The following DYNC1I1 variants were observed in gnomAD, a reference collection of about 807,000 sequenced individuals.
DYNC1I1 encodes cytoplasmic dynein 1 intermediate chain 1.
DYNC1I1 carries 43 observed loss-of-function variants against 86.6 expected under a neutral mutation model. The ratio of observed to expected loss-of-function variants is 0.50; its 90% CI spans 0.39 to 0.64. The LOEUF (loss-of-function observed/expected upper bound fraction) is 0.64. Ranked by LOEUF, DYNC1I1 falls within the 30% of genes least tolerant of loss-of-function variation. DYNC1I1 has a pLI of 0.00. For missense variants in DYNC1I1, 604 were observed against 788.8 expected (o/e 0.77, Z 2.81); for synonymous variants, 262 against 283.7 (o/e 0.92, Z 0.77).
chr7:95,800,277 T>C (rs1382595825), intron 1 of DYNC1I1, among the ~76,000 whole-genome samples: 1 of 152,026 alleles, frequency 6.6e-6, no homozygotes, highest in Non-Finnish European at 1.5e-5. Flanking sequence ...ATGTAGTAGC[T>C]GATTTGAACT....
At chr7:95,796,197 GA>G (rs1422468751) in intron 1 of DYNC1I1, among the ~76,000 whole-genome samples, 2 of 152,084 alleles carry the variant, frequency 1.3e-5, no homozygotes, top group Admixed American at 6.6e-5. Flanking sequence ...AGGGGAGAAG[GA>G]GAATGGGGAA....
chr7:95,959,685 C>A (rs766330578), intron 6 of DYNC1I1, among the ~76,000 whole-genome samples: 4 of 152,200 alleles, frequency 2.6e-5, no homozygotes, highest in Non-Finnish European at 5.9e-5. Flanking sequence ...CGGTTCTATT[C>A]TTTACAACTA....
At chr7:95,884,083 G>T (rs989530748) in intron 6 of DYNC1I1, among the ~76,000 whole-genome samples, 4 of 152,184 alleles carry the variant, frequency 2.6e-5, no homozygotes, top group Admixed American at 1.3e-4. Context: ...TAGGATAACT[G>T]CAGGGAAGTC....
intron 6 of DYNC1I1, among the ~76,000 whole-genome samples, chr7:95,942,755 G>A (rs1324329201): frequency 6.8e-6 from 1 of 146,300 alleles, no homozygotes; most frequent in African/African-American, 2.5e-5. Flanking sequence ...CATATAAACA[G>A]AACCAAAGAC....
chr7:95,845,195 A>G (rs906686401), intron 5 of DYNC1I1, among the ~76,000 whole-genome samples: 1 of 152,224 alleles, frequency 6.6e-6, no homozygotes, highest in Non-Finnish European at 1.5e-5. Context: ...TGGCTGAAAG[A>G]GAGAATGTGT....
At chr7:95,834,366 G>C (rs1407347019) in intron 5 of DYNC1I1, among the ~76,000 whole-genome samples, 6,363 of 59,610 alleles carry the variant, frequency 0.11, no homozygotes, top group African/African-American at 0.13. Flanking sequence ...TGCTGGATTC[G>C]TTTTGCCAGT....
At position 96,080,431 on chromosome 7, in the gene DYNC1I1, C is replaced by A; in HGVS notation, c.1719C>A (p.Gly573=). 2 of 1,614,080 alleles carry A rather than the reference C, an allele frequency of 1.2e-6. No homozygotes were observed. The highest frequency in any genetic ancestry group is 1.3e-5 in the African/African-American group (1 of 75,030). ...ACCGTGTTCGTTGGGCCCAAGCTGG[C>A]AAAGAAGTTGCTGTTGGGGACTCGG... ...ALNRVRWAQA[G]KEVAVGDSEG... is the part of the protein sequence containing the mutation. Residue 573 remains glycine, a synonymous_variant, in exon 16 of 17, where the codon GGC becomes GGA. Coordinates refer to ENST00000447467, the MANE Select transcript of DYNC1I1 (RefSeq NM_001135556.2).
chr7:95,818,105 A>T (rs184182006), intron 4 of DYNC1I1, among the ~76,000 whole-genome samples: 78 of 152,176 alleles, frequency 5.1e-4, no homozygotes, highest in African/African-American at 1.8e-3. Context: ...AATAACACCC[A>T]TTGCATAACA....
intron 16 of DYNC1I1, among the ~76,000 whole-genome samples, chr7:96,105,251 C>T (rs1433966585): frequency 1.3e-5 from 2 of 151,628 alleles, no homozygotes; most frequent in East Asian, 1.9e-4. Flanking sequence ...ACAATTATGC[C>T]ATCTGAAAAT....
rs770234793 is a variant in DYNC1I1 at position 95,794,076 on chromosome 7, C to A, written c.-9-10645C>A. 3.9e-5 allele frequency among the ~76,000 whole-genome samples: 6 copies of A among 152,268 alleles called. No individual in the cohort carries two copies. The South Asian group carries it at 1.2e-3, about 32-fold the overall frequency. On this transcript the variant is annotated intron_variant, in intron 1 of 16. Transcript: ENST00000447467. ...TTGCCTGATACTTGGCCTAAGTATA[C>A]GATTTATCTTTCCTATCTGTTTTGA...
At chr7:95,901,321 G>T (rs1173061799) in intron 6 of DYNC1I1, among the ~76,000 whole-genome samples, 1 of 152,188 alleles carries the variant, frequency 6.6e-6, no homozygotes, top group South Asian at 2.1e-4. Context: ...CCTGGAGCCT[G>T]AGGCATAGTA....
At chr7:96,022,545 TAGAG>T (rs1794579063) in intron 10 of DYNC1I1, among the ~76,000 whole-genome samples, 1 of 151,836 alleles carries the variant, frequency 6.6e-6, no homozygotes, top group African/African-American at 2.4e-5. Flanking sequence ...GACAGAGACT[TAGAG>T]AGAGGAAGGG....
chr7:95,828,459 C>T (rs1222173071), intron 5 of DYNC1I1, among the ~76,000 whole-genome samples: 6 of 152,144 alleles, frequency 3.9e-5, no homozygotes, highest in Non-Finnish European at 8.8e-5. Flanking sequence ...ACCATCCTCC[C>T]CTTTACTAAC....
At chr7:95,941,362 G>T (rs1792212353) in intron 6 of DYNC1I1, among the ~76,000 whole-genome samples, 1 of 152,006 alleles carries the variant, frequency 6.6e-6, no homozygotes, top group Non-Finnish European at 1.5e-5. Flanking sequence ...GTCTGCAGAG[G>T]TTACTGCTGT....
intron 15 of DYNC1I1, among the ~76,000 whole-genome samples, chr7:96,077,539 A>G (rs911137369): frequency 1.3e-5 from 2 of 152,176 alleles, no homozygotes; most frequent in Non-Finnish European, 2.9e-5. Context: ...TTTTTAATAG[A>G]AAGATGTTAT....
intron 16 of DYNC1I1, among the ~76,000 whole-genome samples, chr7:96,086,254 G>A (rs1471167931): frequency 6.6e-6 from 1 of 152,184 alleles, no homozygotes; most frequent in African/African-American, 2.4e-5. Flanking sequence ...AATGCTGTTT[G>A]CAGCTCCAGT....
chr7:96,043,132 G>GCA (rs1789105798), intron 14 of DYNC1I1, among the ~76,000 whole-genome samples: 1 of 146,076 alleles, frequency 6.8e-6, no homozygotes, highest in East Asian at 2.0e-4. Flanking sequence ...TCGTGCCACT[G>GCA]CACTCCAACC....
In DYNC1I1 at chr7:95,813,340, A is replaced by G; in HGVS notation, c.314+3A>G. The G allele has an allele frequency of 6.2e-7, 1 of 1,611,994 alleles. No homozygotes were observed. ...GGCGATCTGGGGCCATTAACAAGGTAAGAATTGTCCCTTTAAAAGGCCATG... is the reference window on the plus strand; with the variant it reads ...GGCGATCTGGGGCCATTAACAAGGTGAGAATTGTCCCTTTAAAAGGCCATG... On this transcript the variant is annotated splice_donor_region_variant and intron_variant, in intron 4 of 16. Coordinates refer to ENST00000447467, the MANE Select transcript of DYNC1I1 (RefSeq NM_001135556.2).
intron 1 of DYNC1I1, among the ~76,000 whole-genome samples, chr7:95,791,767 G>A (rs1024364048): frequency 3.9e-5 from 6 of 152,134 alleles, no homozygotes; most frequent in African/African-American, 1.4e-4. Context: ...AAATCAGGCA[G>A]GAAAAATTAT....
Sources: gnomAD v4.1 joint callset for allele counts (sites outside exome capture counted in the v4.1 genomes callset) on GRCh38, gnomAD v4.1.1 for gene constraint, MANE v1.5 for transcripts, NCBI Gene and HGNC (gene_info 2026-07-23, HGNC 2026-07-21) for gene names.